The following ARK2C variants were observed in gnomAD, a reference collection of about 807,000 sequenced individuals.
ARK2C encodes the protein E3 ubiquitin-protein ligase ARK2C.
chr18:46,336,079 G>T, the ARK2C span: 1 of 985,252 alleles, frequency 1.0e-6, no homozygotes, highest in Non-Finnish European at 1.2e-6. Context: ...GAGGAAGAAA[G>T]AGGGGGGCTG....
the ARK2C span, among the ~76,000 whole-genome samples, chr18:46,354,008 G>A: frequency 6.6e-6 from 1 of 152,162 alleles, no homozygotes; most frequent in Non-Finnish European, 1.5e-5. Context: ...TCATTCAGCT[G>A]GGGAGAAGAC....
At chr18:46,437,448 G>A in the ARK2C span, among the ~76,000 whole-genome samples, 1 of 152,146 alleles carries the variant, frequency 6.6e-6, no homozygotes, top group Admixed American at 6.5e-5. Flanking sequence ...AGCCCTGGGG[G>A]AGTGTGTCTG....
chr18:46,438,775 T>G, the ARK2C span, among the ~76,000 whole-genome samples: 1 of 152,216 alleles, frequency 6.6e-6, no homozygotes, highest in Non-Finnish European at 1.5e-5. Context: ...ATTTCCCAAG[T>G]GACAGGCTCA....
chr18:46,430,887 C>T, the ARK2C span, among the ~76,000 whole-genome samples: 1 of 152,108 alleles, frequency 6.6e-6, no homozygotes, highest in East Asian at 1.9e-4. Flanking sequence ...AACTCTGTTC[C>T]TCGAGTTCAT....
the ARK2C span, among the ~76,000 whole-genome samples, chr18:46,422,430 T>C: frequency 6.6e-6 from 1 of 152,176 alleles, no homozygotes; most frequent in Non-Finnish European, 1.5e-5. Context: ...CTGAGCTGTA[T>C]CCATGCAGAG....
the ARK2C span, among the ~76,000 whole-genome samples, chr18:46,376,664 CTTTT>C: frequency 1.7e-4 from 12 of 72,262 alleles, no homozygotes; most frequent in African/African-American, 6.9e-4. Context: ...GGTTAATAAT[CTTTT>C]TTTTTTTTTT....
At chr18:46,363,443 G>C in the ARK2C span, among the ~76,000 whole-genome samples, 2 of 152,358 alleles carry the variant, frequency 1.3e-5, no homozygotes, top group South Asian at 2.1e-4. Flanking sequence ...GCATGTGCCT[G>C]CCTGGAGACA....
chr18:46,396,508 C>T, the ARK2C span, among the ~76,000 whole-genome samples: 2 of 152,184 alleles, frequency 1.3e-5, no homozygotes, highest in Admixed American at 6.5e-5. Context: ...AGTCCCAAGA[C>T]CTAGCAGGTG....
chr18:46,377,402 A>G, the ARK2C span, among the ~76,000 whole-genome samples: 1 of 152,172 alleles, frequency 6.6e-6, no homozygotes, highest in African/African-American at 2.4e-5. Flanking sequence ...AAGAGAACAG[A>G]CAAATAAAAA....
chr18:46,347,139 GGAA>G, the ARK2C span, among the ~76,000 whole-genome samples: 1 of 152,230 alleles, frequency 6.6e-6, no homozygotes, highest in Middle Eastern at 3.2e-3. Flanking sequence ...TCCCCGAGGA[GGAA>G]GAGCTGTAGC....
chr18:46,454,705 C>T, the ARK2C span, among the ~76,000 whole-genome samples: 1 of 152,194 alleles, frequency 6.6e-6, no homozygotes, highest in African/African-American at 2.4e-5. Context: ...TCTTGTGACT[C>T]TTCAGATTTT....
the ARK2C span, among the ~76,000 whole-genome samples, chr18:46,377,403 C>G: frequency 6.6e-6 from 1 of 152,074 alleles, no homozygotes; most frequent in Non-Finnish European, 1.5e-5. Context: ...AGAGAACAGA[C>G]AAATAAAAAG....
chr18:46,451,327 G>C, the ARK2C span, among the ~76,000 whole-genome samples: 2 of 152,016 alleles, frequency 1.3e-5, no homozygotes, highest in African/African-American at 2.4e-5. Flanking sequence ...AGAATCTCCA[G>C]GGCTAAGAAC....
At chr18:46,361,426 TA>T in the ARK2C span, among the ~76,000 whole-genome samples, 1 of 152,198 alleles carries the variant, frequency 6.6e-6, no homozygotes, top group African/African-American at 2.4e-5. Context: ...ATATGTACAT[TA>T]ATATTTAACT....
chr18:46,334,439 G>T, the ARK2C span: 7 of 965,138 alleles, frequency 7.3e-6, no homozygotes, highest in Non-Finnish European at 9.9e-6. The surrounding 1 kb of genome is among the most constrained non-coding windows in gnomAD (Gnocchi z 4.4). Flanking sequence ...GCACACCCGC[G>T]AGGACGCAGG....
chr18:46,460,536 A>T, the ARK2C span: 3 of 152,378 alleles, frequency 2.0e-5, no homozygotes, highest in Non-Finnish European at 4.4e-5. Context: ...TTTTAATTAT[A>T]ATTTATTTAT....
the ARK2C span, among the ~76,000 whole-genome samples, chr18:46,338,615 C>CT: frequency 0.011 from 1,702 of 150,576 alleles, 13 homozygotes; most frequent in East Asian, 0.017. Context: ...CTTAAAATAT[C>CT]TTTTTTTTTT....
At chr18:46,346,204 G>A in the ARK2C span, among the ~76,000 whole-genome samples, 1 of 152,180 alleles carries the variant, frequency 6.6e-6, no homozygotes, top group East Asian at 1.9e-4. Flanking sequence ...CCTGAGAGGG[G>A]AGGCCAGGAG....
At chr18:46,407,951 G>T in the ARK2C span, among the ~76,000 whole-genome samples, 43 of 152,338 alleles carry the variant, frequency 2.8e-4, no homozygotes, top group African/African-American at 9.6e-4. Context: ...CCAGAGAGGT[G>T]GTCAGGGAAG....
Sources: gnomAD v4.1 joint callset for allele counts (sites outside exome capture counted in the v4.1 genomes callset) on GRCh38, gnomAD v4.1.1 for gene constraint, Gnocchi (gnomAD v3.1) non-coding constraint, MANE v1.5 for transcripts, NCBI Gene and HGNC (gene_info 2026-07-23, HGNC 2026-07-21) for gene names.